TTN: variants seen among roughly 807,000 people sequenced by gnomAD.
TTN encodes the protein titin.
A neutral mutation model predicts 3,223.0 loss-of-function variants in TTN; 1,525 were observed. That is an observed-to-expected ratio of 0.47 (90% CI 0.45 to 0.49). The LOEUF is 0.49. Among genes scored for constraint, TTN ranks in the 20% least tolerant of loss-of-function variants. The pLI is 0.00. For synonymous variants in TTN, 14,094 were observed against 15,161.0 expected (o/e 0.93, Z 5.17); for missense variants, 40,786 against 43,424.0 (o/e 0.94, Z 5.40).
At position 178,533,013 on chromosome 2, in the gene TTN, T is replaced by C; in HGVS notation, c.103602A>G (p.Arg34534=). ...GTACATCATAAGGCATCCGGAGTTT[T>C]CTCTCCTCCTTCTTTTCTTCTATCT... ...RLEIEEKKEE[R]KLRMPYDVPE... is the part of the protein sequence containing the mutation. Residue 34534 remains arginine (R), a synonymous_variant, in exon 358 of 363, where the codon AGA becomes AGG. Coordinates refer to ENST00000589042, the MANE Select transcript of TTN (RefSeq NM_001267550.2). 6.2e-7 allele frequency: 1 copy of C among 1,613,938 alleles called. No individual in the cohort carries two copies. The highest frequency in any genetic ancestry group is 8.5e-7 in the Non-Finnish European group (1 of 1,179,864).
At chr2:178,706,359 C>G (rs531066849) in intron 102 of TTN, 95 bp downstream of exon 102, 1 of 1,365,008 alleles carries the variant, frequency 7.3e-7, no homozygotes. Flanking sequence ...ATTTTTTGTT[C>G]TTTAATACTT....
At position 178,704,883 on chromosome 2, in the gene TTN, C is replaced by T. The variant is rs2154291392; in HGVS notation, c.29688G>A (p.Gln9896=). 6.2e-7 allele frequency: 1 copy of T among 1,613,430 alleles called. No individual in the cohort carries two copies. Among genetic ancestry groups the T allele is most frequent in the Non-Finnish European group, 8.5e-7 (1 of 1,179,742 alleles). ...TCAACATAATTCTTTTTACCTCTGT[C>T]TGTGACAGTCTTTGCTGAATAAATG... ...LVSFIQQRLS[Q]TEPVTLIKDI... Residue 9896 remains glutamine, a synonymous_variant, in exon 104 of 363, where the codon CAG becomes CAA. Coordinates refer to ENST00000589042, the MANE Select transcript of TTN (RefSeq NM_001267550.2).
chr2:178,604,423 C>G, intron 281 of TTN, 118 bp from the exon 282 acceptor site: 7 of 881,576 alleles, frequency 7.9e-6, no homozygotes, highest in Non-Finnish European at 1.1e-5. Flanking sequence ...AATATATAGA[C>G]TCAAAACATG....
At chr2:178,750,605 T>A in intron 47 of TTN, 1 of 1,612,604 alleles carries the variant, frequency 6.2e-7, no homozygotes, top group Non-Finnish European at 8.5e-7. Flanking sequence ...AAAAGAATTT[T>A]CAAAAAATCT....
Position 178,567,015 on chromosome 2 carries a change from A to T in TTN, c.79117T>A (p.Leu26373Met). 3 of 1,613,610 alleles carry T rather than the reference A, an allele frequency of 1.9e-6. No individual in the cohort carries two copies. The highest frequency in any genetic ancestry group is 1.7e-6 in the Non-Finnish European group (2 of 1,179,662). Residue 26373 changes from leucine to methionine, a missense_variant, in exon 326 of 363, where the codon TTG (leucine) becomes ATG (methionine). By Grantham distance (15) the Leu-to-Met change is conservative. Transcript: ENST00000589042. ...TTCATTAGTACTGGTGCAGATTCCAAAGGCTCTCCAACACCATATTTGTTG... is the reference window on the plus strand; with the variant it reads ...TTCATTAGTACTGGTGCAGATTCCATAGGCTCTCCAACACCATATTTGTTG... ...AVNKYGVGEP[L>M]ESAPVLMKNP...
rs876658051 is a variant in TTN at position 178,695,860 on chromosome 2, C to T, written c.31207+5G>A. The T allele has an allele frequency of 2.1e-6, 3 of 1,440,994 alleles. No homozygotes were observed. The highest frequency in any genetic ancestry group is 2.9e-5 in the African/African-American group (2 of 69,470). The allele number at this position is 1,440,994 out of a possible 1,614,324, so 89.3% of individuals were successfully genotyped here. A position where few individuals can be genotyped will look rare whatever the true frequency, so the allele number is the denominator to read the frequency against. ...AGGGAAACAAGTCATTCAGTTTATA[C>T]ATACCTTCATAGACCTCCTTTTGAA... is the stretch of plus-strand genomic sequence containing the variant. On this transcript the variant is annotated splice_donor_5th_base_variant and intron_variant, in intron 114 of 362. Transcript: ENST00000589042.
Position 178,532,935 on chromosome 2 carries a change from C to G in TTN, c.103680G>C (p.Lys34560Asn), listed in dbSNP as rs778525620. 1.4e-5 allele frequency: 23 copies of G among 1,613,904 alleles called. No homozygotes were observed. Among genetic ancestry groups the G allele is most frequent in the Middle Eastern group, 1.6e-4 (1 of 6,062 alleles). Residue 34560 changes from lysine (K) to asparagine (N), a missense_variant, in exon 358 of 363, where the codon AAG becomes AAC. Physicochemically the swap from Lys to Asn is moderately conservative, Grantham distance 94. Transcript: ENST00000589042. ...TCATGTCAGACATGGGCACGAACTG[C>G]TTGATGCGTTGGTCTTCTTCTATGG... ...QTTIEEDQRI[K>N]QFVPMSDMKW...
rs770684884 is a variant in TTN, at chr2:178,589,714, C to T, written c.62011G>A (p.Glu20671Lys). The change falls in exon 304 of 363, where the codon GAG (glutamate) becomes AAG (lysine). Residue 20671 changes from glutamate to lysine, a missense_variant. Physicochemically the swap from Glu to Lys is moderately conservative, Grantham distance 56. Transcript: ENST00000589042. ...TCTGCAATGTGAAGGTTTTCAGGCT[C>T]ACCTGGTCTGTCAATAGGGTTAATA... is the stretch of plus-strand genomic sequence containing the variant. ...LAINPIDRPG[E>K]PENLHIADKG... 3.5e-5 allele frequency: 56 copies of T among 1,613,418 alleles called. No homozygotes were observed. In the Admixed American group the frequency reaches 9.0e-4, roughly 26 times the overall value.
rs376618165 is a variant in TTN at position 178,591,380 on chromosome 2, A to T, written c.60345T>A (p.Asp20115Glu). The T allele has an allele frequency of 2.4e-5, 39 of 1,613,210 alleles. No individual in the cohort carries two copies. The highest frequency in any genetic ancestry group is 3.2e-5 in the Non-Finnish European group (38 of 1,179,448). The change falls in exon 304 of 363, where the codon GAT becomes GAA. Residue 20115 changes from aspartate (D) to glutamate (E), a missense_variant. Physicochemically the swap from Asp to Glu is conservative, Grantham distance 45. Transcript: ENST00000589042. ...GCTCATCGGTTTTAATCTCACTCCC[A>T]TCGGTTGTCCACTTTGCAGTAGGAA... is the stretch of plus-strand genomic sequence containing the variant. Reference protein sequence around the residue: ...VPVPTAKWTTDGSEIKTDEHY... With the variant: ...VPVPTAKWTTEGSEIKTDEHY...
At position 178,611,379 on chromosome 2, in the gene TTN, G is replaced by T. The variant is rs200700386; in HGVS notation, c.50850C>A (p.Asp16950Glu). 59 of 1,612,732 alleles carry T rather than the reference G, an allele frequency of 3.7e-5. No homozygotes were observed. The African/African-American group carries it at 7.6e-4, about 21-fold the overall frequency. Residue 16950 changes from aspartate to glutamate, a missense_variant, in exon 269 of 363, where the codon GAC becomes GAA. Asp to Glu is a conservative substitution (Grantham distance 45). Coordinates refer to ENST00000589042, the MANE Select transcript of TTN (RefSeq NM_001267550.2). Reference protein sequence around the residue: ...SEISENVVAKDPDCKPTIDLE... With the variant: ...SEISENVVAKEPDCKPTIDLE... ...AAGACCTTGTGCTCTTACAGTCTGG[G>T]TCTTTGGCAACCACATTTTCAGAGA... is the stretch of plus-strand genomic sequence containing the variant.
At position 178,548,208 on chromosome 2, in the gene TTN, C is replaced by T. The variant is rs768116289; in HGVS notation, c.93418G>A (p.Asp31140Asn). Residue 31140 changes from aspartate (D) to asparagine (N), a missense_variant, in exon 339 of 363, where the codon GAT becomes AAT. Coordinates refer to ENST00000589042, the MANE Select transcript of TTN (RefSeq NM_001267550.2). This position sits in a 1 kb window ranked among gnomAD's most constrained non-coding sequence, Gnocchi z 4.3. ...TAGCCAGTGATCCGGCTGCCTCCAT[C>T]GTGGTCAGGTTTAAGCCAAGCTAAG... The part of the protein sequence containing the change: ...AVLAWLKPDH[D>N]GGSRITGYLL... 8.7e-6 allele frequency: 14 copies of T among 1,613,724 alleles called. No homozygotes were observed. Among genetic ancestry groups the T allele is most frequent in the Admixed American group, 1.7e-5 (1 of 59,978 alleles).
chr2:178,722,610 A>T, intron 76 of TTN, 49 bp downstream of exon 76: 2 of 1,593,094 alleles, frequency 1.3e-6, no homozygotes, highest in Non-Finnish European at 1.7e-6. Flanking sequence ...CCATAAAGAT[A>T]CAAGAGTTAA....
chr2:178,531,003 T>C lies in TTN; in HGVS notation c.105612A>G (p.Glu35204=). The C allele has an allele frequency of 6.2e-7, 1 of 1,613,994 alleles. No homozygotes were observed. Residue 35204 remains glutamate, a synonymous_variant, in exon 358 of 363, where the codon GAA becomes GAG. Coordinates refer to ENST00000589042, the MANE Select transcript of TTN (RefSeq NM_001267550.2). The part of the protein sequence containing the change: ...SDEGNYSVVV[E]NSEGKQEAEF... ...CTGCTTCTTGTTTCCCTTCACTGTT[T>C]TCTACCACCACGCTGTAATTGCCCT...
At position 178,756,526 on chromosome 2, in the gene TTN, T is replaced by A; in HGVS notation, c.10950A>T (p.Glu3650Asp). ...CCTCACCCGTGGACTCTTTAGCACA[T>A]TCCTTAGATAGCTCAGTGCTTTCTG... is the stretch of plus-strand genomic sequence containing the variant. Reference protein sequence around the residue: ...QIAESTELSKECAKESTGEAP... With the variant: ...QIAESTELSKDCAKESTGEAP... The change falls in exon 46 of 363, where the codon GAA (glutamate) becomes GAT (aspartate). Residue 3650 changes from glutamate (E) to aspartate (D), a missense_variant. Physicochemically the swap from Glu to Asp is conservative, Grantham distance 45. Transcript: ENST00000589042. The A allele has an allele frequency of 6.2e-7, 1 of 1,613,210 alleles. No homozygotes were observed. Among genetic ancestry groups the A allele is most frequent in the Non-Finnish European group, 8.5e-7 (1 of 1,179,368 alleles).
chr2:178,706,668 ACTTCC>A lies in TTN; in HGVS notation c.29201_29205del (p.Gly9734ValfsTer18). On this transcript the variant is annotated frameshift_variant, in exon 102 of 363. Transcript: ENST00000589042. LOFTEE classifies it high-confidence loss of function. ...CGACCTCCTTGGTTCAGCTGTCTCC[ACTTCC>A]CTTTTGTCCATTTAACATTTGGGAT... is the stretch of plus-strand genomic sequence containing the variant. 1 of 1,613,836 alleles carries A rather than the reference ACTTCC, an allele frequency of 6.2e-7. No homozygotes were observed.
rs754383943 is a variant in TTN, at chr2:178,728,978, C to T, written c.19060G>A (p.Val6354Met). 6.2e-7 allele frequency: 1 copy of T among 1,612,994 alleles called. No individual in the cohort carries two copies. The highest frequency in any genetic ancestry group is 1.3e-5 in the African/African-American group (1 of 74,880). ...DSVATLQIRS[V>M]DNGHSGRYTC... Reference sequence around the variant, plus strand: ...TATCTCCCACTGTGTCCATTATCCACACTTCTGATTTGAAGTGTGGCCACA... The same window carrying T: ...TATCTCCCACTGTGTCCATTATCCATACTTCTGATTTGAAGTGTGGCCACA... Residue 6354 changes from valine to methionine, a missense_variant, in exon 65 of 363, where the codon GTG becomes ATG. By Grantham distance (21) the Val-to-Met change is conservative (BLOSUM62 1). Coordinates refer to ENST00000589042, the MANE Select transcript of TTN (RefSeq NM_001267550.2).
chr2:178,582,616 G>C lies in TTN; in HGVS notation c.65864-24C>G, dbSNP rs1369609782. On this transcript the variant is annotated intron_variant, in intron 313 of 362. Coordinates refer to ENST00000589042, the MANE Select transcript of TTN (RefSeq NM_001267550.2). ...ATCTGAAGGAATAAGGAAGAAGAGT[G>C]AATATGTGGAATGGGGAATGAGTAT... 3 of 1,575,416 alleles carry C rather than the reference G, an allele frequency of 1.9e-6. No homozygotes were observed. The Admixed American group carries it at 5.2e-5, about 27-fold the overall frequency.
intron 22 of TTN, 141 bp from the exon 23 acceptor site, chr2:178,779,603 C>T: frequency 4.7e-6 from 3 of 638,544 alleles, no homozygotes; most frequent in Non-Finnish European, 8.0e-6. Flanking sequence ...TTGTTTTAAT[C>T]TGCATTATGG....
At position 178,732,682 on chromosome 2, in the gene TTN, T is replaced by C; in HGVS notation, c.16379A>G (p.Asp5460Gly). 6.2e-7 allele frequency: 1 copy of C among 1,602,584 alleles called. No homozygotes were observed. Among genetic ancestry groups the C allele is most frequent in the Non-Finnish European group, 8.5e-7 (1 of 1,174,456 alleles). Residue 5460 changes from aspartate (D) to glycine (G), a missense_variant, in exon 56 of 363, where the codon GAT becomes GGT. Asp to Gly is a moderately conservative substitution (Grantham distance 94, BLOSUM62 -1). Coordinates refer to ENST00000589042, the MANE Select transcript of TTN (RefSeq NM_001267550.2). ...PSFVTKPGSK[D>G]VLPGSAVCLK... ...GCAGACTGCTGAGCCAGGCAGAACA[T>C]CCTTTGAGCCGGGTTTAGTTACAAA...
Sources: gnomAD v4.1 joint callset for allele counts on GRCh38, gnomAD v4.1.1 for gene constraint, Gnocchi (gnomAD v3.1) non-coding constraint, MANE v1.5 for transcripts, NCBI Gene and HGNC (gene_info 2026-07-23, HGNC 2026-07-21) for gene names.